The following OPCML variants were observed in gnomAD, a reference collection of about 807,000 sequenced individuals.
The protein encoded by OPCML is opioid-binding protein/cell adhesion molecule.
A neutral mutation model predicts 37.8 loss-of-function variants in OPCML; 13 were observed. The ratio of observed to expected loss-of-function variants is 0.34; its 90% CI spans 0.22 to 0.55. OPCML has a LOEUF of 0.55. OPCML is among the 20% of genes least tolerant of loss of function. The pLI is 0.91. For missense variants in OPCML, 341 were observed against 435.6 expected (o/e 0.78, Z 1.93); for synonymous variants, 176 against 168.8 (o/e 1.04, Z -0.33).
chr11:133,297,379 T>G (rs1942656640), intron 1 of OPCML: 3 of 152,212 alleles, frequency 2.0e-5, no homozygotes, highest in Admixed American at 2.0e-4. Flanking sequence ...AATGGAACTT[T>G]GTTGCAAAGG....
intron 2 of OPCML, among the ~76,000 whole-genome samples, chr11:132,747,793 T>C (rs1385708163): frequency 6.6e-6 from 1 of 152,172 alleles, no homozygotes; most frequent in African/African-American, 2.4e-5. Flanking sequence ...TCCAGGCAAG[T>C]TAATGGCAGA....
intron 1 of OPCML, among the ~76,000 whole-genome samples, chr11:133,511,206 AG>A (rs1462967629): frequency 6.6e-6 from 1 of 152,094 alleles, no homozygotes; most frequent in Non-Finnish European, 1.5e-5. Flanking sequence ...CCCTGTTCCA[AG>A]CTACCTTCAT....
intron 1 of OPCML, among the ~76,000 whole-genome samples, chr11:133,482,329 G>T (rs1947392296): frequency 6.6e-6 from 1 of 152,188 alleles, no homozygotes; most frequent in Admixed American, 6.5e-5. Flanking sequence ...AGACAACATG[G>T]AGTTAAGGGT....
intron 1 of OPCML, among the ~76,000 whole-genome samples, chr11:132,964,256 T>C (rs146499173): frequency 5.9e-5 from 9 of 152,206 alleles, no homozygotes; most frequent in African/African-American, 1.9e-4. Flanking sequence ...GGAATATTAT[T>C]TGAAGCAGAA....
intron 4 of OPCML, among the ~76,000 whole-genome samples, chr11:132,474,568 G>A (rs1400023219): frequency 1.3e-5 from 2 of 152,140 alleles, no homozygotes; most frequent in Non-Finnish European, 2.9e-5. Context: ...TGTGTTCTCA[G>A]AATCTCAGGC....
intron 1 of OPCML, among the ~76,000 whole-genome samples, chr11:133,526,063 T>A (rs1328708093): frequency 1.3e-5 from 2 of 152,194 alleles, no homozygotes; most frequent in African/African-American, 2.4e-5. Flanking sequence ...CCCCAGCCTC[T>A]CCGAACCAAG....
intron 4 of OPCML, among the ~76,000 whole-genome samples, chr11:132,479,572 G>A (rs2096170936): frequency 6.6e-6 from 1 of 152,206 alleles, no homozygotes; most frequent in Non-Finnish European, 1.5e-5. Context: ...TCTGGGGGCA[G>A]GGCACAGACA....
chr11:133,382,606 A>C (rs1944954451), intron 1 of OPCML, among the ~76,000 whole-genome samples: 1 of 152,080 alleles, frequency 6.6e-6, no homozygotes. Context: ...ATTTCTATAA[A>C]CCCAGTGCCG....
intron 2 of OPCML, among the ~76,000 whole-genome samples, chr11:132,789,847 T>C (rs1310634100): frequency 6.6e-6 from 1 of 152,098 alleles, no homozygotes. Context: ...GAGCTGAAGG[T>C]GTCATCCAGA....
chr11:132,785,925 T>C (rs1947195133), intron 2 of OPCML, among the ~76,000 whole-genome samples: 1 of 152,030 alleles, frequency 6.6e-6, no homozygotes. Context: ...ATCCAAGGAG[T>C]TTGGAGAAAC....
chr11:132,662,265 C>A (rs1164456392), intron 2 of OPCML, among the ~76,000 whole-genome samples: 9 of 152,162 alleles, frequency 5.9e-5, no homozygotes, highest in Non-Finnish European at 8.8e-5. Flanking sequence ...CTGGGGACTC[C>A]TCCTGGAGAA....
intron 1 of OPCML, among the ~76,000 whole-genome samples, chr11:133,104,371 C>T (rs1949127535): frequency 6.6e-6 from 1 of 152,174 alleles, no homozygotes; most frequent in Non-Finnish European, 1.5e-5. Flanking sequence ...GTCTAGCTCA[C>T]CCAAGCATCC....
rs1183155161 is a variant in OPCML at position 133,340,359 on chromosome 11, T to C, written c.61+191905A>G. On this transcript the variant is annotated intron_variant, in intron 1 of 7. Coordinates refer to ENST00000524381, the MANE Select transcript of OPCML (RefSeq NM_001012393.5). ...CAACACCAGCCTATTCATCTTAGAG[T>C]AGGTGTGGAATCGATGGCAAAGTGG... Among the ~76,000 whole-genome samples, 4 of 152,266 alleles carry C rather than the reference T, an allele frequency of 2.6e-5. No homozygotes were observed. The East Asian group carries it at 7.7e-4, about 29-fold the overall frequency.
At chr11:132,701,706 T>C (rs548052) in intron 2 of OPCML, among the ~76,000 whole-genome samples, 334 of 152,144 alleles carry the variant, frequency 2.2e-3, no homozygotes, top group Middle Eastern at 6.8e-3. Flanking sequence ...CCAACTACTT[T>C]GTGGTTTCTT....
At chr11:133,428,046 T>C (rs1399191179) in intron 1 of OPCML, among the ~76,000 whole-genome samples, 1 of 152,096 alleles carries the variant, frequency 6.6e-6, no homozygotes, top group South Asian at 2.1e-4. Context: ...GTTACGAACA[T>C]AGATGCAAAA....
chr11:133,506,909 T>C (rs1948043999), intron 1 of OPCML, among the ~76,000 whole-genome samples: 1 of 152,218 alleles, frequency 6.6e-6, no homozygotes, highest in African/African-American at 2.4e-5. Flanking sequence ...GACCACAGTT[T>C]TCCATTTGAA....
At chr11:132,984,355 T>C (rs1252548438) in intron 1 of OPCML, among the ~76,000 whole-genome samples, 2 of 152,228 alleles carry the variant, frequency 1.3e-5, no homozygotes, top group Non-Finnish European at 2.9e-5. Flanking sequence ...GCAATCAATA[T>C]GTTATATATT....
At chr11:133,358,800 G>A (rs899424268) in intron 1 of OPCML, among the ~76,000 whole-genome samples, 1 of 152,028 alleles carries the variant, frequency 6.6e-6, no homozygotes, top group Non-Finnish European at 1.5e-5. Context: ...AGCCCTGAAT[G>A]GGGGGAAGGC....
At chr11:133,359,609 A>G (rs1052120653) in intron 1 of OPCML, among the ~76,000 whole-genome samples, 2 of 152,196 alleles carry the variant, frequency 1.3e-5, no homozygotes, top group African/African-American at 4.8e-5. Flanking sequence ...TCAGTTCCCA[A>G]TTTAATACAT....
Sources: allele counts gnomAD v4.1 joint callset (sites outside exome capture counted in the v4.1 genomes callset), GRCh38; gene constraint gnomAD v4.1.1; transcripts MANE v1.5; gene names NCBI Gene and HGNC (gene_info 2026-07-23, HGNC 2026-07-21).